Variants in LUZP1 observed in about 807,000 individuals in gnomAD.
LUZP1 encodes filamin mechanobinding actin cross-linking protein.
In LUZP1, 25 loss-of-function variants were observed where a neutral mutation model predicts 71.3. That is an observed-to-expected ratio of 0.35 (90% CI 0.26 to 0.49). The LOEUF is 0.49. LUZP1 is among the 20% of genes least tolerant of loss of function. The probability of loss-of-function intolerance (pLI) is 0.99; values close to 1 mark genes in which losing one functional copy is unlikely to be tolerated. For missense variants in LUZP1, 1,142 were observed against 1,300.8 expected (o/e 0.88, Z 1.88); for synonymous variants, 481 against 506.4 (o/e 0.95, Z 0.67).
intron 3 of LUZP1, among the ~76,000 whole-genome samples, chr1:23,098,447 AG>A (rs1303109357): frequency 6.6e-6 from 1 of 152,322 alleles, no homozygotes; most frequent in East Asian, 1.9e-4. Flanking sequence ...GTATAATCAT[AG>A]GAATCCTGTG....
chr1:23,156,056 T>G (rs1035632612), intron 2 of LUZP1, among the ~76,000 whole-genome samples: 4 of 152,184 alleles, frequency 2.6e-5, no homozygotes, highest in Admixed American at 2.6e-4. Flanking sequence ...ATTTTTCTAT[T>G]TGAGTTCTTC....
At chr1:23,158,447 G>A (rs568209242) in intron 2 of LUZP1, among the ~76,000 whole-genome samples, 76 of 151,766 alleles carry the variant, frequency 5.0e-4, no homozygotes, top group Non-Finnish European at 8.8e-4. Context: ...TCAGGAGTTC[G>A]AGACCAGCCT....
intron 2 of LUZP1, among the ~76,000 whole-genome samples, chr1:23,122,950 G>T (rs1277731618): frequency 6.6e-6 from 1 of 152,064 alleles, no homozygotes; most frequent in Non-Finnish European, 1.5e-5. Flanking sequence ...TGGAAGACAT[G>T]CTGAGCTTCA....
At chr1:23,163,880 C>T (rs1480706729) in intron 2 of LUZP1, 1 of 152,170 alleles carries the variant, frequency 6.6e-6, no homozygotes, top group Non-Finnish European at 1.5e-5. Flanking sequence ...CTGCTCTGAG[C>T]TCAGTTCCCT....
intron 2 of LUZP1, among the ~76,000 whole-genome samples, chr1:23,121,044 G>C (rs1569609700): frequency 6.6e-6 from 1 of 152,068 alleles, no homozygotes; most frequent in South Asian, 2.1e-4. Flanking sequence ...CAAAAAATAA[G>C]ACCAGCCCAG....
chr1:23,142,700 TACACACAC>T (rs60316911), intron 2 of LUZP1, among the ~76,000 whole-genome samples: 1,830 of 104,252 alleles, frequency 0.018, 52 homozygotes, highest in African/African-American at 0.054. Flanking sequence ...TATATATATA[TACACACAC>T]ACACACACAC....
intron 2 of LUZP1, among the ~76,000 whole-genome samples, chr1:23,138,254 G>A (rs773130988): frequency 6.6e-6 from 1 of 152,090 alleles, no homozygotes; most frequent in Non-Finnish European, 1.5e-5. Flanking sequence ...GATTACAGGC[G>A]TGAGCCACCG....
At position 23,089,140 on chromosome 1, in the gene LUZP1, T is replaced by C; in HGVS notation, c.3073-87A>G. On this transcript the variant is annotated intron_variant, in intron 4 of 4. Transcript: ENST00000302291. ...TCACCTGCTACCATAGTGGGTCCTT[T>C]CCAACCCAGCAGAGGCAGATATAGC... 3.8e-6 allele frequency: 5 copies of C among 1,325,470 alleles called. No individual in the cohort carries two copies. In the South Asian group the frequency reaches 6.5e-5, roughly 17 times the overall value. The allele number at this position is 1,325,470 out of a possible 1,614,324, so 82.1% of individuals were successfully genotyped here. A position where few individuals can be genotyped will look rare whatever the true frequency, so the allele number is the denominator to read the frequency against.
chr1:23,159,553 G>T (rs1644448203), intron 2 of LUZP1, among the ~76,000 whole-genome samples: 1 of 152,132 alleles, frequency 6.6e-6, no homozygotes, highest in Non-Finnish European at 1.5e-5. Flanking sequence ...TTACTTCATG[G>T]GTGTGGTGAA....
At chr1:23,091,669 G>A (rs1214804174) in exon 4 of LUZP1, 2 of 1,613,930 alleles carry the variant, frequency 1.2e-6, no homozygotes, top group African/African-American at 1.3e-5. Context: ...TCCTTCAGGG[G>A]CCCATCTGCC....
chr1:23,164,467 G>C (rs1364163051), intron 2 of LUZP1, among the ~76,000 whole-genome samples: 2 of 151,860 alleles, frequency 1.3e-5, no homozygotes, highest in Non-Finnish European at 2.9e-5. Context: ...ACTTCAGCCT[G>C]GGTGACACAG....
intron 2 of LUZP1, among the ~76,000 whole-genome samples, chr1:23,153,485 T>C (rs1001782252): frequency 6.6e-6 from 1 of 152,116 alleles, no homozygotes; most frequent in African/African-American, 2.4e-5. Flanking sequence ...CCTAAACTAA[T>C]CCCAGTAAAC....
chr1:23,109,279 A>C (rs1386098607), intron 2 of LUZP1, among the ~76,000 whole-genome samples, 152 bp from the exon 2 acceptor site: 1 of 152,206 alleles, frequency 6.6e-6, no homozygotes, highest in Admixed American at 6.5e-5. Flanking sequence ...CCTGACACTA[A>C]AGGAACCTGG....
At chr1:23,110,700 G>A (rs578043228) in intron 2 of LUZP1, among the ~76,000 whole-genome samples, 7 of 151,798 alleles carry the variant, frequency 4.6e-5, no homozygotes, top group South Asian at 4.2e-4. Flanking sequence ...AGAGCAAGGC[G>A]GCTAGAATTA....
intron 2 of LUZP1, among the ~76,000 whole-genome samples, chr1:23,133,018 G>A (rs980734996): frequency 3.9e-5 from 6 of 152,132 alleles, no homozygotes; most frequent in African/African-American, 1.2e-4. Context: ...AGGAACCCAA[G>A]GCAAAAACCT....
intron 4 of LUZP1, chr1:23,090,866 T>C (rs1312063399): frequency 1.4e-6 from 1 of 717,546 alleles, no homozygotes; most frequent in African/African-American, 1.7e-5. Flanking sequence ...TTCATGCTGT[T>C]CTGAGGGCCT....
intron 2 of LUZP1, among the ~76,000 whole-genome samples, chr1:23,115,010 C>A (rs1256583396): frequency 6.6e-6 from 1 of 152,200 alleles, no homozygotes; most frequent in African/African-American, 2.4e-5. Context: ...CCGAAAAGAT[C>A]TAAGTAGAGG....
intron 2 of LUZP1, among the ~76,000 whole-genome samples, chr1:23,137,890 A>G (rs1052237728): frequency 9.2e-5 from 14 of 152,250 alleles, no homozygotes; most frequent in Admixed American, 2.6e-4. Context: ...GTCCATACCA[A>G]AACTTGTAGA....
At position 23,140,170 on chromosome 1, in the gene LUZP1, A is replaced by G. The variant is rs145691103; in HGVS notation, c.-226+28596T>C. On this transcript the variant is annotated intron_variant, in intron 2 of 4. Transcript: ENST00000302291. The stretch of plus-strand genomic sequence containing the variant: ...TCTTGGTGCTTCCTTCAGGAGTTGA[A>G]GGGCCTGGCTATTCTTCTCACTCCT... 2.6e-5 allele frequency among the ~76,000 whole-genome samples: 4 copies of G among 152,082 alleles called. No homozygotes were observed. In the East Asian group the frequency reaches 7.8e-4, roughly 29 times the overall value.
Sources: allele counts gnomAD v4.1 joint callset (sites outside exome capture counted in the v4.1 genomes callset), GRCh38; gene constraint gnomAD v4.1.1; transcripts MANE v1.5; gene names NCBI Gene and HGNC (gene_info 2026-07-23, HGNC 2026-07-21).